Variants in CATSPERE observed in about 807,000 individuals in gnomAD.
The protein encoded by CATSPERE is catsper channel auxiliary subunit epsilon, also known as cation channel sperm-associated auxiliary subunit epsilon.
Under a neutral mutation model 114.1 loss-of-function variants are expected in CATSPERE, and 93 were observed. The observed-to-expected ratio is 0.81, with a 90% CI of 0.69 to 0.97. The LOEUF (loss-of-function observed/expected upper bound fraction) is 0.97, where lower values mean the gene tolerates loss of function less well. Among genes scored for constraint, CATSPERE ranks in the 50% least tolerant of loss-of-function variants. CATSPERE has a pLI of 0.00. For missense variants in CATSPERE, 1,058 were observed against 1,131.6 expected, an observed-to-expected ratio of 0.93 and a Z score of 0.93; for synonymous variants, 341 against 384.1, an observed-to-expected ratio of 0.89 and a Z score of 1.31.
chr1:244,625,430 A>ATTTTTTTTTTTT lies in CATSPERE; in HGVS notation c.2648+7745_2648+7746insTTTTTTTTTTTT, dbSNP rs1476267922. On this transcript the variant is annotated intron_variant, in intron 20 of 21. Transcript: ENST00000366534. ...TTTATATATATATATATATATATAT[A>ATTTTTTTTTTTT]TATTTTTTTTTTTTTTTGAGATGGA... Among the ~76,000 whole-genome samples, 20 of 4,336 alleles carry ATTTTTTTTTTTT rather than the reference A, an allele frequency of 4.6e-3. 1 individual carries two copies. The highest frequency in any genetic ancestry group is 0.023 in the East Asian group (2 of 86). The allele number at this position is 4,336 out of a possible 152,430, so 2.8% of individuals were successfully genotyped here. A position where few individuals can be genotyped will look rare whatever the true frequency, so the allele number is the denominator to read the frequency against.
intron 7 of CATSPERE, among the ~76,000 whole-genome samples, chr1:244,503,604 T>A (rs1674395687): frequency 6.6e-6 from 1 of 152,200 alleles, no homozygotes; most frequent in Admixed American, 6.5e-5. Context: ...AAATTTTTGT[T>A]TCTTTTGAGA....
intron 20 of CATSPERE, among the ~76,000 whole-genome samples, chr1:244,627,886 G>A (rs1673408983): frequency 6.6e-6 from 1 of 152,220 alleles, no homozygotes; most frequent in Non-Finnish European, 1.5e-5. Context: ...GCCATTCTGA[G>A]CAACATGATG....
At chr1:244,462,193 G>C (rs1167759146) in intron 1 of CATSPERE, among the ~76,000 whole-genome samples, 1 of 152,118 alleles carries the variant, frequency 6.6e-6, no homozygotes, top group Non-Finnish European at 1.5e-5. Context: ...GGAGAGGATC[G>C]TTGTGGTCCA....
intron 18 of CATSPERE, among the ~76,000 whole-genome samples, chr1:244,609,251 T>G (rs1670402625): frequency 6.6e-6 from 1 of 152,066 alleles, no homozygotes; most frequent in Admixed American, 6.5e-5. Flanking sequence ...CTTCACCTAA[T>G]GAAATGTAGA....
chr1:244,479,862 A>G, intron 5 of CATSPERE, 78 bp downstream of exon 5: 1 of 728,438 alleles, frequency 1.4e-6, no homozygotes, highest in South Asian at 2.3e-5. Context: ...CCACAAATAG[A>G]TTATCTATAT....
At chr1:244,610,895 G>A (rs1670637602) in intron 19 of CATSPERE, among the ~76,000 whole-genome samples, 1 of 151,936 alleles carries the variant, frequency 6.6e-6, no homozygotes, top group South Asian at 2.1e-4. Context: ...TGAGTAGCTG[G>A]GACTACAGGC....
In CATSPERE at chr1:244,634,737, C is replaced by T. The variant is rs144162227; in HGVS notation, c.2649-752C>T. 5.5e-4 allele frequency among the ~76,000 whole-genome samples: 84 copies of T among 152,338 alleles called. 1 individual carries two copies. The East Asian group carries it at 0.012, about 22-fold the overall frequency. On this transcript the variant is annotated intron_variant, in intron 20 of 21. Transcript: ENST00000366534. ...CAAGTTGCTTAACCTATCTGAGCTT[C>T]CTCATCTGAGTTTCCTCATCTAAAA...
At chr1:244,621,140 A>ATATC (rs869195197) in intron 20 of CATSPERE, among the ~76,000 whole-genome samples, 36 of 78,280 alleles carry the variant, frequency 4.6e-4, no homozygotes, top group South Asian at 1.1e-3. Flanking sequence ...TATATATAAA[A>ATATC]TATATATATT....
At chr1:244,614,906 G>A (rs1356020884) in intron 19 of CATSPERE, among the ~76,000 whole-genome samples, 5 of 151,698 alleles carry the variant, frequency 3.3e-5, no homozygotes, top group Admixed American at 6.6e-5. Flanking sequence ...ATTCAGTTAC[G>A]TAACATGTTA....
intron 5 of CATSPERE, among the ~76,000 whole-genome samples, chr1:244,480,102 A>G (rs1165290029): frequency 6.6e-6 from 1 of 152,236 alleles, no homozygotes; most frequent in Non-Finnish European, 1.5e-5. Context: ...ACAATTTGGA[A>G]AAAGTACAAA....
chr1:244,545,675 C>G (rs769353586), intron 8 of CATSPERE, among the ~76,000 whole-genome samples: 16 of 152,188 alleles, frequency 1.1e-4, no homozygotes, highest in Non-Finnish European at 2.2e-4. Flanking sequence ...CATGGGCCAA[C>G]AAGTTACCAT....
At position 244,633,966 on chromosome 1, in the gene CATSPERE, C is replaced by A. The variant is rs1017991727; in HGVS notation, c.2649-1523C>A. On this transcript the variant is annotated intron_variant, in intron 20 of 21. Coordinates refer to ENST00000366534, the MANE Select transcript of CATSPERE (RefSeq NM_001130957.2). This position sits in a 1 kb window ranked among gnomAD's most constrained non-coding sequence, Gnocchi z 4.1. ...TGCAACCTACGCCTCCCGGTTCAAG[C>A]AATTCTCCTGCCTCAACCTCCCAAG... is the stretch of plus-strand genomic sequence containing the variant. Among the ~76,000 whole-genome samples the A allele has an allele frequency of 5.9e-5, 9 of 151,414 alleles. No homozygotes were observed. Among genetic ancestry groups the A allele is most frequent in the African/African-American group, 2.2e-4 (9 of 41,132 alleles).
In CATSPERE at chr1:244,560,681, G is replaced by A; in HGVS notation, c.1043G>A (p.Arg348Lys). 1 of 1,590,990 alleles carries A rather than the reference G, an allele frequency of 6.3e-7. No homozygotes were observed. Residue 348 changes from arginine to lysine, a missense_variant, in exon 10 of 22, where the codon AGA becomes AAA. Around this residue, in one of 2 missense-constraint regions of CATSPERE, gnomAD observed 787 missense variants for 905.6 expected, o/e 0.87. Transcript: ENST00000366534. Reference protein sequence around the residue: ...VNYLLKAKGRRSTFAVWTENE... With the variant: ...VNYLLKAKGRKSTFAVWTENE... ...ATTTTGTCACAGGCTAAAGGAAGAA[G>A]AAGCACCTTTGCAGTCTGGACAGAA...
At chr1:244,619,489 A>G (rs770907849) in intron 20 of CATSPERE, among the ~76,000 whole-genome samples, 1 of 152,350 alleles carries the variant, frequency 6.6e-6, no homozygotes, top group South Asian at 2.1e-4. Flanking sequence ...AAAACTGGTT[A>G]TTTCCACTAT....
At chr1:244,569,841 G>C (rs576501359) in intron 10 of CATSPERE, among the ~76,000 whole-genome samples, 3 of 152,194 alleles carry the variant, frequency 2.0e-5, no homozygotes, top group East Asian at 3.9e-4. Context: ...AGGCTATTCT[G>C]TTCCACTAAT....
chr1:244,639,101 C>T (rs1675006043), intron 21 of CATSPERE, among the ~76,000 whole-genome samples: 1 of 152,178 alleles, frequency 6.6e-6, no homozygotes, highest in Non-Finnish European at 1.5e-5. Context: ...CCTATCAATC[C>T]TCATCTCCAA....
chr1:244,608,090 G>A (rs976432131), intron 18 of CATSPERE, among the ~76,000 whole-genome samples: 1 of 152,148 alleles, frequency 6.6e-6, no homozygotes, highest in African/African-American at 2.4e-5. Flanking sequence ...CTGGGTGACA[G>A]AGTGAGACTC....
At chr1:244,583,829 A>G (rs763572094) in intron 12 of CATSPERE, 35 bp from the exon 13 acceptor site, 4 of 1,594,340 alleles carry the variant, frequency 2.5e-6, no homozygotes, top group African/African-American at 2.7e-5. Flanking sequence ...TGTCTCTCAC[A>G]TGATACAATA....
intron 20 of CATSPERE, among the ~76,000 whole-genome samples, chr1:244,629,040 C>A (rs1412074306): frequency 1.3e-5 from 2 of 152,174 alleles, no homozygotes; most frequent in Non-Finnish European, 2.9e-5. Flanking sequence ...GTTTGGGGGT[C>A]AGAAGTTCAA....
Sources: gnomAD v4.1 joint callset for allele counts (sites outside exome capture counted in the v4.1 genomes callset) on GRCh38, gnomAD v4.1.1 for gene constraint, gnomAD v4.1.1 regional missense constraint, Gnocchi (gnomAD v3.1) non-coding constraint, MANE v1.5 for transcripts, NCBI Gene and HGNC (gene_info 2026-07-23, HGNC 2026-07-21) for gene names.